Variants in TRIO observed in about 807,000 individuals in gnomAD.
TRIO encodes the protein triple functional domain protein.
Under a neutral mutation model 351.9 loss-of-function variants are expected in TRIO, and 58 were observed. The observed-to-expected ratio is 0.16, with a 90% CI of 0.13 to 0.21. TRIO has a LOEUF of 0.21. Among genes scored for constraint, TRIO ranks in the 10% least tolerant of loss-of-function variants. The pLI is 1.00. For missense variants in TRIO, 3,201 were observed against 4,027.8 expected, an observed-to-expected ratio of 0.79 and a Z score of 5.56; for synonymous variants, 1,758 against 1,595.7, an observed-to-expected ratio of 1.10 and a Z score of -2.42.
At chr5:14,222,142 C>CTTTT (rs34968826) in intron 1 of TRIO, among the ~76,000 whole-genome samples, 1 of 141,422 alleles carries the variant, frequency 7.1e-6, no homozygotes, top group South Asian at 2.3e-4. Context: ...TTTTTCTTTT[C>CTTTT]TTTTTTTTTT....
chr5:14,285,094 T>G (rs990085277), intron 3 of TRIO, among the ~76,000 whole-genome samples: 2 of 152,200 alleles, frequency 1.3e-5, no homozygotes, highest in Non-Finnish European at 2.9e-5. Context: ...CTAGGTTTCA[T>G]GAAGGAGGTC....
chr5:14,269,882 G>A (rs931461175), intron 1 of TRIO, among the ~76,000 whole-genome samples: 2 of 152,170 alleles, frequency 1.3e-5, no homozygotes, highest in Non-Finnish European at 2.9e-5. Context: ...GGGAAGTGGT[G>A]TTTTGTTTTT....
chr5:14,471,218 A>G (rs1419990886), intron 37 of TRIO, 100 bp from the exon 38 acceptor site: 2 of 1,341,926 alleles, frequency 1.5e-6, no homozygotes, highest in East Asian at 2.5e-5. Context: ...TCACAAATAC[A>G]TTTTCTGTAT....
At chr5:14,239,598 G>T (rs1270371718) in intron 1 of TRIO, among the ~76,000 whole-genome samples, 3 of 152,160 alleles carry the variant, frequency 2.0e-5, no homozygotes, top group Non-Finnish European at 4.4e-5. Context: ...TTACAGGTAG[G>T]GATTCTGAGG....
intron 43 of TRIO, 124 bp from the exon 44 acceptor site, chr5:14,481,110 G>C: frequency 3.1e-6 from 3 of 982,872 alleles, no homozygotes; most frequent in Non-Finnish European, 4.5e-6. Context: ...AGGATCACTT[G>C]AGGCCAGGAG....
Position 14,369,374 on chromosome 5 carries a change from G to A in TRIO, c.3067G>A (p.Val1023Ile). The change falls in exon 18 of 57, where the codon GTC becomes ATC. Residue 1023 changes from valine to isoleucine, a missense_variant and splice_region_variant. By Grantham distance (29) the Val-to-Ile change is conservative. This residue lies in a region of TRIO where 363 missense variants were observed against 553.5 expected (regional missense o/e 0.66). Transcript: ENST00000344204. ...AGCCTCAAACTTTTCCTGCTCACAG[G>A]TCTGCAGCGTCCTCGAGAGCCTGGA... ...SVAFYKTSEQ[V>I]CSVLESLEQE... The A allele has an allele frequency of 6.2e-7, 1 of 1,611,548 alleles. No homozygotes were observed. Among genetic ancestry groups the A allele is most frequent in the Non-Finnish European group, 8.5e-7 (1 of 1,178,748 alleles).
intron 37 of TRIO, 44 bp downstream of exon 37, chr5:14,465,684 T>C: frequency 6.3e-7 from 1 of 1,598,114 alleles, no homozygotes. Flanking sequence ...AGCTGCTCTG[T>C]GTTGCTACTT....
intron 8 of TRIO, among the ~76,000 whole-genome samples, chr5:14,312,297 G>T (rs763073716): frequency 6.6e-6 from 1 of 152,160 alleles, no homozygotes; most frequent in Non-Finnish European, 1.5e-5. Context: ...ATTTTAAATA[G>T]TTATACTACC....
chr5:14,364,951 T>TGGCTC, intron 15 of TRIO, 135 bp downstream of exon 15: 1 of 1,172,184 alleles, frequency 8.5e-7, no homozygotes. Context: ...ATATGTAAGA[T>TGGCTC]AATGCGCACA....
Position 14,143,762 on chromosome 5 carries a change from G to T in TRIO, c.37G>T (p.Ala13Ser), listed in dbSNP as rs1787318362. Residue 13 changes from alanine (A) to serine (S), a missense_variant, in exon 1 of 57, where the codon GCG (alanine) becomes TCG (serine). Physicochemically the swap from Ala to Ser is moderately conservative, Grantham distance 99. Around this residue, in one of 19 missense-constraint regions of TRIO, gnomAD observed 109 missense variants for 134.6 expected, o/e 0.81. Transcript: ENST00000344204. Reference sequence around the variant, plus strand: ...CAGCGGCGGAGCCGCCGCCCCCGCCGCGTCCTCCGGCCCCGCCGCGGCGGC... The same window carrying T: ...CAGCGGCGGAGCCGCCGCCCCCGCCTCGTCCTCCGGCCCCGCCGCGGCGGC... ...GSSGGAAAPA[A>S]SSGPAAAASA... 1.0e-6 allele frequency: 1 copy of T among 996,854 alleles called. No individual in the cohort carries two copies. Among genetic ancestry groups the T allele is most frequent in the African/African-American group, 1.8e-5 (1 of 56,898 alleles). The allele number at this position is 996,854 out of a possible 1,614,324, so 61.8% of individuals were successfully genotyped here. A position where few individuals can be genotyped will look rare whatever the true frequency, so the allele number is the denominator to read the frequency against.
At chr5:14,206,150 C>T (rs1791444254) in intron 1 of TRIO, among the ~76,000 whole-genome samples, 1 of 152,210 alleles carries the variant, frequency 6.6e-6, no homozygotes, top group African/African-American at 2.4e-5. Flanking sequence ...CAACCTCTTC[C>T]TCCCGGCACA....
At chr5:14,160,724 A>G (rs754013510) in intron 1 of TRIO, among the ~76,000 whole-genome samples, 28 of 152,238 alleles carry the variant, frequency 1.8e-4, no homozygotes, top group Non-Finnish European at 3.7e-4. Context: ...GCTCCCATTT[A>G]TCACACATTT....
Position 14,498,263 on chromosome 5 carries a change from C to T in TRIO, c.8210+12C>T, listed in dbSNP as rs1561563354. 1 of 1,612,056 alleles carries T rather than the reference C, an allele frequency of 6.2e-7. No homozygotes were observed. The highest frequency in any genetic ancestry group is 2.2e-5 in the East Asian group (1 of 44,828). On this transcript the variant is annotated intron_variant, in intron 52 of 56. Transcript: ENST00000344204. The stretch of plus-strand genomic sequence containing the variant: ...AGCATCTCCTACAGGTGAGGGAGGC[C>T]CACTCCTGGTGGGTTTCGCTGGCTG...
At chr5:14,462,980 G>T in intron 36 of TRIO, 55 bp downstream of exon 36, 1 of 1,492,610 alleles carries the variant, frequency 6.7e-7, no homozygotes, top group East Asian at 2.4e-5. Flanking sequence ...GGCAGGGCAC[G>T]CTCGGTAGCT....
intron 9 of TRIO, among the ~76,000 whole-genome samples, chr5:14,317,818 G>A (rs354918): frequency 2.0e-5 from 3 of 151,746 alleles, no homozygotes; most frequent in Admixed American, 6.6e-5. Context: ...TGGTGAAACC[G>A]TGTCTCTATT....
intron 1 of TRIO, among the ~76,000 whole-genome samples, chr5:14,193,898 CGT>C (rs1160965): frequency 0.43 from 65,782 of 151,852 alleles, 16,555 homozygotes; most frequent in Non-Finnish European, 0.56. Context: ...ACTGTGTGTT[CGT>C]GTGCCTGGTA....
intron 46 of TRIO, among the ~76,000 whole-genome samples, chr5:14,483,371 T>C (rs1485428598): frequency 6.6e-6 from 1 of 152,208 alleles, no homozygotes; most frequent in Non-Finnish European, 1.5e-5. Flanking sequence ...AGATGACTCC[T>C]GGGAGATACA....
In TRIO at chr5:14,229,367, TTACA is replaced by T. The variant is rs1225999204; in HGVS notation, c.158-41457_158-41454del. ...TGGCTGCCTTCCAGTGAAACTTCAT[TTACA>T]AATGCTGACAGAGGAGAGTTGGCCT... On this transcript the variant is annotated intron_variant, in intron 1 of 56. Transcript: ENST00000344204. Among the ~76,000 whole-genome samples, 4 of 152,230 alleles carry T rather than the reference TTACA, an allele frequency of 2.6e-5. No individual in the cohort carries two copies. The South Asian group carries it at 6.2e-4, about 24-fold the overall frequency.
At chr5:14,226,138 T>C (rs1216963472) in intron 1 of TRIO, among the ~76,000 whole-genome samples, 1 of 152,072 alleles carries the variant, frequency 6.6e-6, no homozygotes, top group Non-Finnish European at 1.5e-5. Context: ...GGGCTGAGCA[T>C]ACACAGTGCA....
Sources: allele counts gnomAD v4.1 joint callset (sites outside exome capture counted in the v4.1 genomes callset), GRCh38; gene constraint gnomAD v4.1.1; regional missense constraint gnomAD v4.1.1; transcripts MANE v1.5; gene names NCBI Gene and HGNC (gene_info 2026-07-23, HGNC 2026-07-21).